CDH18: variants seen among roughly 807,000 people sequenced by gnomAD.
CDH18 encodes the protein cadherin-18.
A neutral mutation model predicts 67.9 loss-of-function variants in CDH18; 31 were observed. That is an observed-to-expected ratio of 0.46 (90% CI 0.34 to 0.62). CDH18 has a LOEUF of 0.62. CDH18 is among the 20% of genes least tolerant of loss of function. The pLI is 0.01. For missense variants in CDH18, 890 were observed against 975.5 expected, an observed-to-expected ratio of 0.91 and a Z score of 1.17; for synonymous variants, 362 against 347.2, an observed-to-expected ratio of 1.04 and a Z score of -0.48.
intron 2 of CDH18, among the ~76,000 whole-genome samples, chr5:20,164,276 G>C (rs1205694495): frequency 6.6e-6 from 1 of 151,938 alleles, no homozygotes; most frequent in African/African-American, 2.4e-5. Context: ...CCAGTATTTT[G>C]TTTGTTTGTT....
At chr5:20,200,839 C>A (rs1333994092) in intron 2 of CDH18, among the ~76,000 whole-genome samples, 1 of 152,022 alleles carries the variant, frequency 6.6e-6, no homozygotes, top group South Asian at 2.1e-4. Context: ...AATACAGATG[C>A]AGGTAATTCT....
At chr5:20,471,441 A>T (rs914616164) in intron 1 of CDH18, among the ~76,000 whole-genome samples, 8 of 152,156 alleles carry the variant, frequency 5.3e-5, no homozygotes, top group South Asian at 2.1e-4. Context: ...AGATTAGGTT[A>T]CTTTTCTGCT....
chr5:20,413,917 G>A (rs1236799544), intron 1 of CDH18, among the ~76,000 whole-genome samples: 2 of 152,094 alleles, frequency 1.3e-5, no homozygotes, highest in Non-Finnish European at 2.9e-5. Context: ...TATTGCCTAG[G>A]TTTTCTTCTC....
chr5:20,376,167 C>T (rs542107819), intron 1 of CDH18, among the ~76,000 whole-genome samples: 128 of 131,052 alleles, frequency 9.8e-4, no homozygotes, highest in Admixed American at 2.3e-3. Flanking sequence ...GATCTCGGCT[C>T]ACTGCAGGCT....
chr5:19,838,354 G>A (rs1781901637), intron 3 of CDH18, among the ~76,000 whole-genome samples: 1 of 152,072 alleles, frequency 6.6e-6, no homozygotes, highest in South Asian at 2.1e-4. Flanking sequence ...AGCCACATGT[G>A]CAGGAGCAAT....
chr5:19,566,682 C>T (rs1024711403), intron 8 of CDH18, among the ~76,000 whole-genome samples: 12 of 152,084 alleles, frequency 7.9e-5, no homozygotes, highest in East Asian at 1.9e-4. Flanking sequence ...TATCACAACA[C>T]GTGGGAATTA....
intron 1 of CDH18, among the ~76,000 whole-genome samples, chr5:20,334,818 A>G (rs1739577580): frequency 6.6e-6 from 1 of 151,496 alleles, no homozygotes; most frequent in Admixed American, 6.6e-5. Context: ...TCAATAAAGC[A>G]CAACCTGATT....
At chr5:19,875,256 T>A (rs543931839) in intron 2 of CDH18, among the ~76,000 whole-genome samples, 3 of 152,304 alleles carry the variant, frequency 2.0e-5, no homozygotes, top group African/African-American at 7.2e-5. Context: ...CTAATAGGAT[T>A]TGATGGGCCC....
chr5:20,483,557 G>C (rs796470966), intron 1 of CDH18, among the ~76,000 whole-genome samples: 1 of 151,350 alleles, frequency 6.6e-6, no homozygotes, highest in South Asian at 2.1e-4. Context: ...CATGGTACTG[G>C]CATTAAAAGA....
chr5:20,405,285 C>A (rs905083683), intron 1 of CDH18, among the ~76,000 whole-genome samples: 38 of 152,100 alleles, frequency 2.5e-4, no homozygotes, highest in African/African-American at 8.7e-4. Context: ...TAATGCCACA[C>A]ATCTACAACT....
At chr5:20,505,318 T>C (rs1754592894) in intron 1 of CDH18, among the ~76,000 whole-genome samples, 1 of 152,210 alleles carries the variant, frequency 6.6e-6, no homozygotes, top group Admixed American at 6.5e-5. Context: ...GGAATATTTA[T>C]GAAAAAGTTA....
intron 1 of CDH18, among the ~76,000 whole-genome samples, chr5:20,433,436 A>C (rs1748928561): frequency 6.6e-6 from 1 of 152,084 alleles, no homozygotes; most frequent in Non-Finnish European, 1.5e-5. Flanking sequence ...TATACCCTGT[A>C]AATCTAGAGA....
At chr5:20,469,794 A>C (rs1044973901) in intron 1 of CDH18, among the ~76,000 whole-genome samples, 6 of 152,184 alleles carry the variant, frequency 3.9e-5, no homozygotes, top group African/African-American at 2.4e-5. Context: ...TGCATCCTTT[A>C]CTGACCTCCA....
Position 19,571,886 on chromosome 5 carries a change from C to T in CDH18, c.1000-54G>A, listed in dbSNP as rs896425979. On this transcript the variant is annotated intron_variant, in intron 7 of 12. Coordinates refer to ENST00000382275, the MANE Select transcript of CDH18 (RefSeq NM_004934.5). ...TTTTATAAAAAAAGTCATATTATGA[C>T]TTTCATTACTTTTCAAATATGCATT... The T allele has an allele frequency of 2.5e-5, 34 of 1,373,986 alleles. No homozygotes were observed. The South Asian group carries it at 3.8e-4, about 16-fold the overall frequency. The allele number at this position is 1,373,986 out of a possible 1,614,324, so 85.1% of individuals were successfully genotyped here. A position where few individuals can be genotyped will look rare whatever the true frequency, so the allele number is the denominator to read the frequency against.
At chr5:20,066,855 A>AT (rs1204180384) in intron 2 of CDH18, among the ~76,000 whole-genome samples, 1 of 151,834 alleles carries the variant, frequency 6.6e-6, no homozygotes, top group African/African-American at 2.4e-5. Flanking sequence ...AAATAAATTT[A>AT]TTTTTTTACA....
intron 2 of CDH18, among the ~76,000 whole-genome samples, chr5:20,011,244 T>C (rs527810758): frequency 2.6e-5 from 4 of 152,204 alleles, no homozygotes; most frequent in Non-Finnish European, 5.9e-5. Flanking sequence ...CATTTGTGAT[T>C]TGTCTCGTTT....
At chr5:19,580,223 T>C (rs548166205) in intron 7 of CDH18, among the ~76,000 whole-genome samples, 1 of 151,970 alleles carries the variant, frequency 6.6e-6, no homozygotes, top group South Asian at 2.1e-4. Context: ...TTTATTTTCT[T>C]GAGTATCCAA....
At chr5:19,775,929 G>C (rs1774309762) in intron 3 of CDH18, among the ~76,000 whole-genome samples, 1 of 152,082 alleles carries the variant, frequency 6.6e-6, no homozygotes, top group Admixed American at 6.6e-5. Flanking sequence ...CTGGATGGGA[G>C]GATGGCAATT....
At chr5:19,929,521 A>C (rs1201289526) in intron 2 of CDH18, among the ~76,000 whole-genome samples, 4 of 152,138 alleles carry the variant, frequency 2.6e-5, no homozygotes, top group Admixed American at 6.6e-5. Context: ...GACAGGAGGC[A>C]TTACGGACAC....
Sources: allele counts gnomAD v4.1 joint callset (sites outside exome capture counted in the v4.1 genomes callset), GRCh38; gene constraint gnomAD v4.1.1; transcripts MANE v1.5; gene names NCBI Gene and HGNC (gene_info 2026-07-23, HGNC 2026-07-21).